Variants in FER observed in about 807,000 individuals in gnomAD.
The protein encoded by FER is FER tyrosine kinase.
In FER, 63 loss-of-function variants were observed where a neutral mutation model predicts 111.0. The observed-to-expected ratio is 0.57, with a 90% CI of 0.46 to 0.70. The LOEUF is 0.70. Among genes scored for constraint, FER ranks in the 30% least tolerant of loss-of-function variants. The pLI, the probability that FER is intolerant of heterozygous loss-of-function variation, is 0.00. For missense variants in FER, 914 were observed against 954.0 expected, an observed-to-expected ratio of 0.96 and a Z score of 0.55; for synonymous variants, 327 against 313.9, an observed-to-expected ratio of 1.04 and a Z score of -0.44.
At chr5:108,798,931 A>G (rs1200591250) in intron 3 of FER, among the ~76,000 whole-genome samples, 1 of 152,142 alleles carries the variant, frequency 6.6e-6, no homozygotes, top group African/African-American at 2.4e-5. Flanking sequence ...TTTGAGAACC[A>G]TTGTTACAAA....
At chr5:109,014,880 G>A (rs573541093) in intron 13 of FER, 1 of 152,272 alleles carries the variant, frequency 6.6e-6, no homozygotes, top group South Asian at 2.1e-4. Flanking sequence ...CTTGCGCAGG[G>A]GCCATGCTAA....
chr5:108,899,239 A>G (rs1749646636), intron 10 of FER, among the ~76,000 whole-genome samples: 1 of 152,200 alleles, frequency 6.6e-6, no homozygotes, highest in Non-Finnish European at 1.5e-5. Context: ...TAATCTACAC[A>G]TCACTTTGTG....
intron 17 of FER, among the ~76,000 whole-genome samples, chr5:109,148,358 A>G (rs1754462891): frequency 6.6e-6 from 1 of 152,122 alleles, no homozygotes; most frequent in Non-Finnish European, 1.5e-5. Flanking sequence ...TTAATCTGCA[A>G]GTTAGAAAAA....
chr5:108,924,774 A>G (rs1213394619), intron 10 of FER: 9 of 1,232,110 alleles, frequency 7.3e-6, no homozygotes, highest in Non-Finnish European at 9.1e-6. Context: ...CCACATCAGA[A>G]GTCCACAGAG....
rs553939512 is a variant in FER, at chr5:108,893,628, A to G, written c.1047-4031A>G. On this transcript the variant is annotated intron_variant, in intron 9 of 19. Transcript: ENST00000281092. ...AGAACAAAAACATCCCACAGACAGCATGTTCAGCATTCTAGGTGACAGTGT... is the reference window on the plus strand; with the variant it reads ...AGAACAAAAACATCCCACAGACAGCGTGTTCAGCATTCTAGGTGACAGTGT... Among the ~76,000 whole-genome samples the G allele has an allele frequency of 2.0e-5, 3 of 152,208 alleles. No individual in the cohort carries two copies. In the South Asian group the frequency reaches 6.2e-4, roughly 32 times the overall value.
chr5:108,843,716 A>C (rs1291011919), intron 5 of FER, among the ~76,000 whole-genome samples: 2 of 151,824 alleles, frequency 1.3e-5, no homozygotes, highest in African/African-American at 4.8e-5. Flanking sequence ...TTTAGTAGAG[A>C]TGGGGTTTCA....
intron 17 of FER, among the ~76,000 whole-genome samples, chr5:109,161,249 G>A (rs533765562): frequency 6.6e-6 from 1 of 151,942 alleles, no homozygotes; most frequent in South Asian, 2.1e-4. Flanking sequence ...AAATTATGAG[G>A]CCATAAGTAT....
intron 13 of FER, among the ~76,000 whole-genome samples, chr5:108,963,373 A>G (rs930008378): frequency 1.3e-5 from 2 of 151,666 alleles, no homozygotes; most frequent in South Asian, 4.2e-4. Flanking sequence ...GACCAGCCTG[A>G]CTAACAAGTG....
intron 15 of FER, among the ~76,000 whole-genome samples, chr5:109,045,124 T>A (rs975077364): frequency 2.0e-5 from 3 of 151,946 alleles, no homozygotes; most frequent in African/African-American, 7.2e-5. Flanking sequence ...ACTGTACAGC[T>A]CACATATACA....
At chr5:108,785,170 T>C in intron 2 of FER, 1 of 609,262 alleles carries the variant, frequency 1.6e-6, no homozygotes, top group Non-Finnish European at 2.8e-6. Context: ...CCAACCACAT[T>C]GGCCACACAG....
chr5:108,894,518 G>A (rs1363515188), intron 9 of FER: 1 of 396,536 alleles, frequency 2.5e-6, no homozygotes, highest in African/African-American at 2.1e-5. Flanking sequence ...TAGTTAGTTT[G>A]ATGTTGAGAT....
At chr5:108,813,718 C>G (rs1268076517) in intron 3 of FER, among the ~76,000 whole-genome samples, 1 of 152,132 alleles carries the variant, frequency 6.6e-6, no homozygotes, top group Non-Finnish European at 1.5e-5. Flanking sequence ...TTTCGTAACC[C>G]TATTAATGAG....
In FER at chr5:108,849,857, A is replaced by T. The variant is rs141136019; in HGVS notation, c.481+14050A>T. On this transcript the variant is annotated intron_variant, in intron 5 of 19. Coordinates refer to ENST00000281092, the MANE Select transcript of FER (RefSeq NM_005246.4). ...TGCCTTGATTCATGACAGAGAGAATAATAATAAAATTTTGTTTGTGAAATG... is the reference window on the plus strand; with the variant it reads ...TGCCTTGATTCATGACAGAGAGAATTATAATAAAATTTTGTTTGTGAAATG... Among the ~76,000 whole-genome samples, 738 of 152,272 alleles carry T rather than the reference A, an allele frequency of 4.8e-3. 6 individuals are homozygous for T. Among genetic ancestry groups the T allele is most frequent in the Middle Eastern group, 0.014 (4 of 294 alleles).
intron 17 of FER, among the ~76,000 whole-genome samples, chr5:109,179,807 C>T (rs1758097969): frequency 1.3e-5 from 2 of 152,124 alleles, no homozygotes; most frequent in African/African-American, 4.8e-5. Flanking sequence ...GGGATTTGAG[C>T]ATCTTTGGAT....
chr5:109,184,225 A>G (rs991143267), intron 18 of FER, among the ~76,000 whole-genome samples: 17 of 152,204 alleles, frequency 1.1e-4, no homozygotes, highest in African/African-American at 3.6e-4. Context: ...TAGTTATATT[A>G]GCATGATGTA....
Position 108,798,194 on chromosome 5 carries a change from G to T in FER, c.12G>T (p.Gly4=). Residue 4 remains glycine (G), a synonymous_variant, in exon 3 of 20, where the codon GGG becomes GGT. Transcript: ENST00000281092. MGF[G]SDLKNSHEAV... ...CAGTGCCTTACAAAATGGGGTTTGG[G>T]AGTGACCTGAAGAATTCACATGAAG... The T allele has an allele frequency of 6.2e-7, 1 of 1,614,020 alleles. No individual in the cohort carries two copies. Among genetic ancestry groups the T allele is most frequent in the Non-Finnish European group, 8.5e-7 (1 of 1,179,994 alleles).
At chr5:109,052,210 A>G in intron 16 of FER, 1 of 1,607,666 alleles carries the variant, frequency 6.2e-7, no homozygotes, top group South Asian at 1.1e-5. Flanking sequence ...AGACACAAAT[A>G]TGATCTGCAG....
At chr5:109,144,038 T>A (rs1048740577) in intron 17 of FER, among the ~76,000 whole-genome samples, 3 of 151,978 alleles carry the variant, frequency 2.0e-5, no homozygotes, top group Non-Finnish European at 4.4e-5. Context: ...ATTTTGTTTA[T>A]TGCTGTGTTT....
At chr5:108,881,246 G>T (rs1182732054) in intron 8 of FER, among the ~76,000 whole-genome samples, 2 of 152,144 alleles carry the variant, frequency 1.3e-5, no homozygotes, top group Non-Finnish European at 2.9e-5. Context: ...AGACAAAGAA[G>T]TTTAATGGAC....
Sources: gnomAD v4.1 joint callset for allele counts (sites outside exome capture counted in the v4.1 genomes callset) on GRCh38, gnomAD v4.1.1 for gene constraint, MANE v1.5 for transcripts, NCBI Gene and HGNC (gene_info 2026-07-23, HGNC 2026-07-21) for gene names.